The following CANX variants were observed in gnomAD, a reference collection of about 807,000 sequenced individuals.
CANX encodes the protein calnexin.
CANX carries 14 observed loss-of-function variants against 75.7 expected under a neutral mutation model. The ratio of observed to expected loss-of-function variants is 0.19; its 90% CI spans 0.12 to 0.29. The LOEUF is 0.29. Among genes scored for constraint, CANX ranks in the 10% least tolerant of loss-of-function variants. The probability of loss-of-function intolerance (pLI) is 1.00; values close to 1 mark genes in which losing one functional copy is unlikely to be tolerated. For missense variants in CANX, 567 were observed against 713.2 expected (o/e 0.79, Z 2.34); for synonymous variants, 227 against 236.9 (o/e 0.96, Z 0.38).
chr5:179,679,080 G>A (rs937622709), intron 1 of CANX: 2 of 1,535,600 alleles, frequency 1.3e-6, no homozygotes, highest in Non-Finnish European at 1.7e-6. Context: ...GCCCAAAACT[G>A]CTGCAGCGTC....
intron 1 of CANX, chr5:179,680,857 G>C (rs879355017): frequency 6.5e-7 from 1 of 1,531,400 alleles, no homozygotes. Flanking sequence ...GTGGACAGAG[G>C]CTGGATGGTA....
intron 4 of CANX, among the ~76,000 whole-genome samples, chr5:179,707,614 T>G (rs1581854376): frequency 6.9e-6 from 1 of 145,590 alleles, no homozygotes; most frequent in Non-Finnish European, 1.5e-5. Context: ...GATTTTTCCA[T>G]GGAAGTTTTG....
intron 1 of CANX, among the ~76,000 whole-genome samples, chr5:179,683,326 G>A (rs1383016821): frequency 6.6e-6 from 1 of 151,610 alleles, no homozygotes; most frequent in Non-Finnish European, 1.5e-5. Flanking sequence ...GTAGAGATGG[G>A]GTTTCACCGT....
chr5:179,714,708 G>A (rs561760779), intron 7 of CANX, among the ~76,000 whole-genome samples: 3 of 152,134 alleles, frequency 2.0e-5, no homozygotes, highest in East Asian at 1.9e-4. Flanking sequence ...TGGTAGAGAC[G>A]GGGTTTCACC....
At chr5:179,710,410 C>CA (rs760599960) in intron 7 of CANX, among the ~76,000 whole-genome samples, 1,749 of 84,390 alleles carry the variant, frequency 0.021, 15 homozygotes, top group African/African-American at 0.04. Flanking sequence ...GACTCAATCT[C>CA]AAAAAAAAAA....
In CANX at chr5:179,728,610, G is replaced by T. The variant is rs1243418716; in HGVS notation, c.1745G>T (p.Arg582Ile). 3 of 1,604,794 alleles carry T rather than the reference G, an allele frequency of 1.9e-6. No homozygotes were observed. Among genetic ancestry groups the T allele is most frequent in the South Asian group, 1.1e-5 (1 of 90,880 alleles). The change falls in exon 15 of 15, where the codon AGA becomes ATA. Residue 582 changes from arginine to isoleucine, a missense_variant. Coordinates refer to ENST00000247461, the MANE Select transcript of CANX (RefSeq NM_001746.4). ...CAATAGGAGGATGAAATTTTGAACA[G>T]ATCACCAAGAAACAGAAAGCCACGA... ...PKAEEDEILN[R>I]SPRNRKPRRE
chr5:179,690,017 G>A (rs1168715991), intron 1 of CANX, among the ~76,000 whole-genome samples: 1 of 152,168 alleles, frequency 6.6e-6, no homozygotes, highest in African/African-American at 2.4e-5. Flanking sequence ...GGTTTATTCT[G>A]ATGGCAGAAA....
At position 179,723,005 on chromosome 5, in the gene CANX, G is replaced by A; in HGVS notation, c.1384G>A (p.Asp462Asn). Residue 462 changes from aspartate to asparagine, a missense_variant, in exon 11 of 15, where the codon GAT (aspartate) becomes AAT (asparagine). This residue lies in a region of CANX where 167 missense variants were observed against 179.3 expected (regional missense o/e 0.93). Coordinates refer to ENST00000247461, the MANE Select transcript of CANX (RefSeq NM_001746.4). ...TGGATGGGGCCTGAAGAAAGCTGCT[G>A]ATGGGGCTGCTGAGGTTCGTGTTTG... ...NDGWGLKKAA[D>N]GAAEPGVVGQ... 6.2e-7 allele frequency: 1 copy of A among 1,613,902 alleles called. No homozygotes were observed. The highest frequency in any genetic ancestry group is 8.5e-7 in the Non-Finnish European group (1 of 1,179,770).
At chr5:179,692,771 C>G (rs966503601) in intron 1 of CANX, among the ~76,000 whole-genome samples, 6 of 152,162 alleles carry the variant, frequency 3.9e-5, no homozygotes, top group African/African-American at 1.4e-4. Flanking sequence ...CTGCCTCGGC[C>G]TCCCAAATTG....
intron 1 of CANX, among the ~76,000 whole-genome samples, chr5:179,689,026 A>C (rs1581819456): frequency 6.6e-6 from 1 of 152,012 alleles, no homozygotes. Flanking sequence ...AGGCGGGTGG[A>C]TCACTTGAGG....
chr5:179,722,103 G>A (rs1246665352), intron 10 of CANX, among the ~76,000 whole-genome samples: 1 of 152,182 alleles, frequency 6.6e-6, no homozygotes, highest in Non-Finnish European at 1.5e-5. Flanking sequence ...GCTGAGGTGG[G>A]TGGATCACCT....
chr5:179,709,089 TG>T (rs1201922570), intron 6 of CANX, 30 bp downstream of exon 6: 1 of 1,274,816 alleles, frequency 7.8e-7, no homozygotes, highest in Non-Finnish European at 1.1e-6. Flanking sequence ...GGAATGTGGC[TG>T]GACACCCACT....
chr5:179,728,691 G>C lies in CANX; in HGVS notation c.*47G>C. 2 of 1,383,512 alleles carry C rather than the reference G, an allele frequency of 1.4e-6. No individual in the cohort carries two copies. Among genetic ancestry groups the C allele is most frequent in the Non-Finnish European group, 2.1e-6 (2 of 971,494 alleles). 85.7% of individuals were successfully genotyped at this position (1,383,512 alleles called of 1,614,324 possible). On this transcript the variant is annotated 3_prime_UTR_variant, in exon 15 of 15. Transcript: ENST00000247461. ...TGTGATTTCTTCTCCCTCCTCCCCT[G>C]CAAGAGTGGTCCTAGGAGAGGACCT...
rs750330467 is a variant in CANX, at chr5:179,708,962, TTCTC to T, written c.447-12_447-9del. ...CAAAATGCCATACAGTTTTCTGCTT[TTCTC>T]TCTGATATTAGGTATGAGGTTAATT... On this transcript the variant is annotated splice_polypyrimidine_tract_variant and intron_variant, in intron 5 of 14. Transcript: ENST00000247461. 7.3e-7 allele frequency: 1 copy of T among 1,376,704 alleles called. No homozygotes were observed. Among genetic ancestry groups the T allele is most frequent in the Non-Finnish European group, 1.0e-6 (1 of 963,378 alleles). 85.3% of individuals were successfully genotyped at this position (1,376,704 alleles called of 1,614,324 possible).
chr5:179,715,652 A>G (rs908168818), intron 7 of CANX, among the ~76,000 whole-genome samples: 2 of 152,216 alleles, frequency 1.3e-5, no homozygotes, highest in African/African-American at 4.8e-5. Flanking sequence ...GCGTTTTAAT[A>G]AATTGGAGGT....
chr5:179,707,024 T>TA, intron 3 of CANX, 108 bp from the exon 4 acceptor site: 1 of 711,378 alleles, frequency 1.4e-6, no homozygotes, highest in Non-Finnish European at 2.6e-6. Context: ...GTAGAGTGGT[T>TA]AAATAGGCTA....
chr5:179,680,687 C>G (rs1776040666), intron 1 of CANX, among the ~76,000 whole-genome samples: 1 of 152,138 alleles, frequency 6.6e-6, no homozygotes, highest in African/African-American at 2.4e-5. Context: ...CACCCCCCAC[C>G]CCTGCCCAGT....
intron 8 of CANX, among the ~76,000 whole-genome samples, chr5:179,719,349 T>C (rs745978770): frequency 1.3e-4 from 20 of 152,236 alleles, no homozygotes; most frequent in Non-Finnish European, 1.6e-4. Flanking sequence ...CCCTGATGGC[T>C]AATGATGTTA....
Position 179,731,292 on chromosome 5 carries a change from C to T in CANX, c.*2648C>T, listed in dbSNP as rs896656273. On this transcript the variant is annotated 3_prime_UTR_variant, in exon 15 of 15. Coordinates refer to ENST00000247461, the MANE Select transcript of CANX (RefSeq NM_001746.4). Reference sequence around the variant, plus strand: ...AAAATTATTTGTTCAGAATCAGACTCCATTATTTTACATATACTTAAATAC... The same window carrying T: ...AAAATTATTTGTTCAGAATCAGACTTCATTATTTTACATATACTTAAATAC... Among the ~76,000 whole-genome samples the T allele has an allele frequency of 8.5e-5, 13 of 152,108 alleles. No individual in the cohort carries two copies. The highest frequency in any genetic ancestry group is 8.5e-4 in the Admixed American group (13 of 15,264).
Sources: gnomAD v4.1 joint callset for allele counts (sites outside exome capture counted in the v4.1 genomes callset) on GRCh38, gnomAD v4.1.1 for gene constraint, gnomAD v4.1.1 regional missense constraint, MANE v1.5 for transcripts, NCBI Gene and HGNC (gene_info 2026-07-23, HGNC 2026-07-21) for gene names.